Variants in NPSR1 observed in about 807,000 individuals in gnomAD.
The protein encoded by NPSR1 is neuropeptide S receptor 1, also known as neuropeptide S receptor.
A neutral mutation model predicts 46.9 loss-of-function variants in NPSR1; 48 were observed. The ratio of observed to expected loss-of-function variants is 1.02; its 90% confidence interval spans 0.81 to 1.30. NPSR1 has a LOEUF of 1.30. Among genes scored for constraint, NPSR1 ranks in the 50% most tolerant of loss-of-function variants. The probability of loss-of-function intolerance (pLI) is 0.00; values close to 1 mark genes in which losing one functional copy is unlikely to be tolerated. For missense variants in NPSR1, 450 were observed against 449.5 expected, an observed-to-expected ratio of 1.00 and a Z score of -0.01; for synonymous variants, 176 against 168.1, an observed-to-expected ratio of 1.05 and a Z score of -0.36.
At chr7:34,760,904 C>T (rs1389605673) in intron 2 of NPSR1, among the ~76,000 whole-genome samples, 2 of 152,098 alleles carry the variant, frequency 1.3e-5, no homozygotes, top group Non-Finnish European at 1.5e-5. Flanking sequence ...CAGTGTGATG[C>T]CTAAACATAG....
intron 8 of NPSR1, among the ~76,000 whole-genome samples, chr7:34,856,266 A>C (rs1225518873): frequency 6.6e-6 from 1 of 151,782 alleles, no homozygotes; most frequent in African/African-American, 2.4e-5. Context: ...TATACAGATA[A>C]ATTATTAGAA....
At chr7:34,678,741 G>C (rs931358126) in intron 1 of NPSR1, among the ~76,000 whole-genome samples, 1 of 151,244 alleles carries the variant, frequency 6.6e-6, no homozygotes, top group Non-Finnish European at 1.5e-5. Flanking sequence ...CAGGAGAATG[G>C]CGTGAACCCG....
At chr7:34,746,055 C>T (rs1583930437) in intron 2 of NPSR1, among the ~76,000 whole-genome samples, 2 of 152,218 alleles carry the variant, frequency 1.3e-5, no homozygotes, top group East Asian at 1.9e-4. Flanking sequence ...TCAGACTACA[C>T]ACTCAGAACC....
downstream of NPSR1, among the ~76,000 whole-genome samples, chr7:34,851,239 T>G (rs919092866): frequency 2.8e-4 from 42 of 151,906 alleles, 1 homozygote; most frequent in Admixed American, 6.6e-5. Flanking sequence ...GTTCAGTATA[T>G]TTTAATAGCA....
chr7:34,814,036 G>A (rs1789121584), intron 4 of NPSR1, among the ~76,000 whole-genome samples: 1 of 152,186 alleles, frequency 6.6e-6, no homozygotes, highest in Admixed American at 6.5e-5. Context: ...TGAGGTGCCT[G>A]GTTCATCTCA....
chr7:34,710,348 A>G (rs576125225), intron 2 of NPSR1, among the ~76,000 whole-genome samples: 8 of 152,364 alleles, frequency 5.3e-5, no homozygotes, highest in African/African-American at 1.9e-4. Flanking sequence ...AGAGGAAAGG[A>G]GCAGAGGAAT....
intron 1 of NPSR1, among the ~76,000 whole-genome samples, chr7:34,680,956 A>AT (rs1792599480): frequency 6.7e-6 from 1 of 150,140 alleles, no homozygotes; most frequent in Admixed American, 6.6e-5. Flanking sequence ...TTTTTTTTTA[A>AT]TGATGTTGGT....
At position 34,848,514 on chromosome 7, in the gene NPSR1, G is replaced by A. The variant is rs1223069792; in HGVS notation, c.876G>A (p.Leu292=). The change falls in exon 8 of 9, where the codon CTG becomes CTA. Residue 292 remains leucine, a synonymous_variant. Coordinates refer to ENST00000360581, the MANE Select transcript of NPSR1 (RefSeq NM_207172.2). ...AFICCWSPYF[L]FDILDNFNLL... ...TCTGCTGTTGGAGTCCATACTTCCTGTTTGACATTTTGGACAATTTCAACC... is the reference window on the plus strand; with the variant it reads ...TCTGCTGTTGGAGTCCATACTTCCTATTTGACATTTTGGACAATTTCAACC... 3 of 1,614,160 alleles carry A rather than the reference G, an allele frequency of 1.9e-6. No individual in the cohort carries two copies. Among genetic ancestry groups the A allele is most frequent in the East Asian group, 2.2e-5 (1 of 44,890 alleles).
At chr7:34,768,552 A>C (rs1333896746) in intron 2 of NPSR1, 1 of 152,248 alleles carries the variant, frequency 6.6e-6, no homozygotes, top group Non-Finnish European at 1.5e-5. Context: ...TGAGATTTAT[A>C]ACCCATGTAA....
Position 34,702,343 on chromosome 7 carries a change from T to C in NPSR1, c.280+17659T>C, listed in dbSNP as rs908674703. Among the ~76,000 whole-genome samples the C allele has an allele frequency of 2.8e-4, 42 of 152,214 alleles. 1 individual carries two copies. The highest frequency in any genetic ancestry group is 6.5e-5 in the Admixed American group (1 of 15,286). ...TCTAAGTGAAAAAAAGCCTGGGAAA[T>C]ATTTTCATTTATTATTATTTTTTTA... On this transcript the variant is annotated intron_variant, in intron 2 of 8. Coordinates refer to ENST00000360581, the MANE Select transcript of NPSR1 (RefSeq NM_207172.2).
chr7:34,781,590 CT>C (rs1787234794), intron 3 of NPSR1, among the ~76,000 whole-genome samples: 1 of 152,188 alleles, frequency 6.6e-6, no homozygotes, highest in Non-Finnish European at 1.5e-5. Flanking sequence ...TCTTTTCCCA[CT>C]GAGTAACCAA....
chr7:34,843,629 C>A (rs1304688450), intron 6 of NPSR1, among the ~76,000 whole-genome samples: 1 of 152,248 alleles, frequency 6.6e-6, no homozygotes, highest in African/African-American at 2.4e-5. Flanking sequence ...TTCAGCCCTT[C>A]TAGTCAGCCC....
intron 3 of NPSR1, among the ~76,000 whole-genome samples, chr7:34,783,323 T>C (rs1182365250): frequency 2.6e-5 from 4 of 151,976 alleles, no homozygotes; most frequent in Non-Finnish European, 4.4e-5. Context: ...CTTCACAAGG[T>C]GGCAGGAGAG....
intron 2 of NPSR1, among the ~76,000 whole-genome samples, chr7:34,755,609 T>C (rs1785791467): frequency 6.6e-6 from 1 of 152,202 alleles, no homozygotes; most frequent in Non-Finnish European, 1.5e-5. Flanking sequence ...CTATGAATAC[T>C]GCTGCCTTGA....
intron 2 of NPSR1, among the ~76,000 whole-genome samples, chr7:34,725,366 C>T (rs1784091295): frequency 6.6e-6 from 1 of 152,186 alleles, no homozygotes; most frequent in Non-Finnish European, 1.5e-5. Flanking sequence ...TGTCCCAAAT[C>T]CTCTACCGGG....
At chr7:34,703,465 AT>A in intron 2 of NPSR1, among the ~76,000 whole-genome samples, 1 of 151,876 alleles carries the variant, frequency 6.6e-6, no homozygotes, top group Non-Finnish European at 1.5e-5. Flanking sequence ...TGATTGTCTT[AT>A]TTTTCCCCCT....
At chr7:34,827,343 T>C (rs1789903670) in intron 4 of NPSR1, 58 bp from the exon 5 acceptor site, 7 of 1,477,348 alleles carry the variant, frequency 4.7e-6, no homozygotes, top group Middle Eastern at 1.8e-4. Context: ...GCAGACTCCA[T>C]TGTGCTCCCA....
chr7:34,698,826 TC>T (rs1793674267), intron 2 of NPSR1, among the ~76,000 whole-genome samples: 1 of 152,206 alleles, frequency 6.6e-6, no homozygotes, highest in South Asian at 2.1e-4. Context: ...ATTAGGATTT[TC>T]TTCTCCTAAT....
intron 2 of NPSR1, among the ~76,000 whole-genome samples, chr7:34,725,200 T>C (rs1784082111): frequency 1.3e-5 from 2 of 151,968 alleles, no homozygotes; most frequent in South Asian, 4.2e-4. Flanking sequence ...GATACAACTT[T>C]CATAACCATT....
Sources: allele counts gnomAD v4.1 joint callset (sites outside exome capture counted in the v4.1 genomes callset), GRCh38; gene constraint gnomAD v4.1.1; transcripts MANE v1.5; gene names NCBI Gene and HGNC (gene_info 2026-07-23, HGNC 2026-07-21).